The following PCDHA11 variants were observed in gnomAD, a reference collection of about 807,000 sequenced individuals.
The protein encoded by PCDHA11 is protocadherin alpha 11, also known as protocadherin alpha-11.
PCDHA11 carries 61 observed loss-of-function variants against 70.3 expected under a neutral mutation model. The observed-to-expected ratio is 0.87, with a 90% CI of 0.71 to 1.07. PCDHA11 has a LOEUF of 1.07. PCDHA11 is among the 50% of genes least tolerant of loss of function. PCDHA11 has a pLI of 0.00. For synonymous variants in PCDHA11, 633 were observed against 555.1 expected, an observed-to-expected ratio of 1.14 and a Z score of -1.97; for missense variants, 1,324 against 1,237.5, an observed-to-expected ratio of 1.07 and a Z score of -1.05.
In PCDHA11 at chr5:140,871,145, C is replaced by T. The variant is rs1249708738; in HGVS notation, c.2042C>T (p.Thr681Ile). 2 of 1,613,300 alleles carry T rather than the reference C, an allele frequency of 1.2e-6. No individual in the cohort carries two copies. Among genetic ancestry groups the T allele is most frequent in the East Asian group, 2.2e-5 (1 of 44,888 alleles). Residue 681 changes from threonine to isoleucine, a missense_variant, in exon 1 of 4, where the codon ACT becomes ATT. Physicochemically the swap from Thr to Ile is moderately conservative, Grantham distance 89. Transcript: ENST00000398640. Reference sequence around the variant, plus strand: ...CAGGCGCCAAAGGCCTCTTCCCGGACTTTGGCGGGCGCCGCGAGCCCAGAG... The same window carrying T: ...CAGGCGCCAAAGGCCTCTTCCCGGATTTTGGCGGGCGCCGCGAGCCCAGAG... ...SGQAPKASSR[T>I]LAGAASPEAA...
At chr5:140,999,551 G>C (rs1189671768) in intron 3 of PCDHA11, among the ~76,000 whole-genome samples, 3 of 152,088 alleles carry the variant, frequency 2.0e-5, no homozygotes, top group East Asian at 1.9e-4. Context: ...CAATGAAGAG[G>C]GGGTATTTTG....
At chr5:140,993,434 AT>A (rs1243337816) in intron 3 of PCDHA11, among the ~76,000 whole-genome samples, 2 of 150,146 alleles carry the variant, frequency 1.3e-5, no homozygotes, top group Non-Finnish European at 3.0e-5. Flanking sequence ...TAAAATCCTT[AT>A]TCATTCCTGT....
In PCDHA11 at chr5:140,883,730, G is replaced by A. The variant is rs140457638; in HGVS notation, c.2391+12236G>A. On this transcript the variant is annotated intron_variant, in intron 1 of 3. Transcript: ENST00000398640. ...TCAGGACGCGGACGCACAGGAGAAC[G>A]CGCTGGTCTCCTACTCGCTGGTGGA... The A allele has an allele frequency of 3.7e-6, 6 of 1,613,412 alleles. No individual in the cohort carries two copies. In the African/African-American group the frequency reaches 6.7e-5, roughly 18 times the overall value.
chr5:140,967,009 T>G, intron 1 of PCDHA11: 1 of 1,606,176 alleles, frequency 6.2e-7, no homozygotes, highest in Non-Finnish European at 8.5e-7. Flanking sequence ...GCATCAACCA[T>G]CTGGGTGCGC....
chr5:140,876,623 A>G (rs2056465121), intron 1 of PCDHA11: 1 of 1,614,086 alleles, frequency 6.2e-7, no homozygotes, highest in East Asian at 2.2e-5. Context: ...GCCAATGGAC[A>G]GGTCATCTGC....
intron 1 of PCDHA11, among the ~76,000 whole-genome samples, chr5:140,925,206 G>A (rs576558414): frequency 1.3e-5 from 2 of 152,234 alleles, no homozygotes; most frequent in South Asian, 2.1e-4. Context: ...AATAATTATC[G>A]ATACTTTTAG....
At chr5:140,999,004 A>T (rs2097842745) in intron 3 of PCDHA11, among the ~76,000 whole-genome samples, 1 of 152,258 alleles carries the variant, frequency 6.6e-6, no homozygotes, top group South Asian at 2.1e-4. Flanking sequence ...GCTGGAGCTG[A>T]GATTTGAACC....
intron 3 of PCDHA11, among the ~76,000 whole-genome samples, chr5:141,002,843 A>G (rs2098098678): frequency 6.6e-6 from 1 of 152,224 alleles, no homozygotes; most frequent in African/African-American, 2.4e-5. Context: ...AGGACTATGC[A>G]CTAGTGAGAG....
intron 1 of PCDHA11, among the ~76,000 whole-genome samples, chr5:140,960,218 A>G (rs2095532618): frequency 6.6e-6 from 1 of 152,206 alleles, no homozygotes; most frequent in Non-Finnish European, 1.5e-5. Flanking sequence ...CAGGATCTCA[A>G]GAAACAGAGC....
intron 1 of PCDHA11, among the ~76,000 whole-genome samples, chr5:140,948,051 T>A (rs1554218425): frequency 2.0e-5 from 3 of 151,622 alleles, no homozygotes; most frequent in African/African-American, 7.2e-5. Context: ...CATGATTCAT[T>A]GTTGAATTTC....
chr5:140,905,248 C>A (rs143714633), intron 1 of PCDHA11, among the ~76,000 whole-genome samples: 43 of 152,208 alleles, frequency 2.8e-4, no homozygotes, highest in African/African-American at 8.7e-4. Context: ...TTCATTCTTC[C>A]ACATGAGGCT....
chr5:140,993,454 T>G (rs1343043993), intron 3 of PCDHA11, among the ~76,000 whole-genome samples: 1 of 133,974 alleles, frequency 7.5e-6, no homozygotes, highest in Non-Finnish European at 1.6e-5. Flanking sequence ...GTTCTCCTTC[T>G]TTCTTTCTCA....
intron 1 of PCDHA11, among the ~76,000 whole-genome samples, chr5:140,932,398 T>C (rs1163806647): frequency 6.6e-6 from 1 of 151,960 alleles, no homozygotes; most frequent in Non-Finnish European, 1.5e-5. Flanking sequence ...AGTTTCAACA[T>C]ACCAATGTTA....
chr5:140,984,969 G>A (rs1045140349), intron 3 of PCDHA11, among the ~76,000 whole-genome samples: 8 of 151,670 alleles, frequency 5.3e-5, no homozygotes, highest in South Asian at 2.1e-4. Context: ...ACAGAGTCTC[G>A]CTCTGTCCCC....
At chr5:140,963,319 G>T (rs1554226565) in intron 1 of PCDHA11, among the ~76,000 whole-genome samples, 1 of 152,174 alleles carries the variant, frequency 6.6e-6, no homozygotes, top group East Asian at 1.9e-4. Flanking sequence ...GTTTGTATTA[G>T]AATTACACAG....
At chr5:140,976,515 C>T (rs1285704969) in intron 1 of PCDHA11, among the ~76,000 whole-genome samples, 1 of 152,016 alleles carries the variant, frequency 6.6e-6, no homozygotes, top group Non-Finnish European at 1.5e-5. Flanking sequence ...CGCGCCACTG[C>T]ACACCAGCCT....
intron 3 of PCDHA11, among the ~76,000 whole-genome samples, chr5:140,983,660 A>G (rs1460631508): frequency 6.6e-6 from 1 of 152,244 alleles, no homozygotes; most frequent in African/African-American, 2.4e-5. Context: ...TAAGTGGCAG[A>G]GGGTAGGATT....
rs17844361 is a variant in PCDHA11, at chr5:140,927,747, C to T, written c.2392-51202C>T. ...AAGCAGAGCTGCGACACCGCTTTCA[C>T]GTGCACCCTAAAAGTGGGGAGGTGC... On this transcript the variant is annotated intron_variant, in intron 1 of 3. Coordinates refer to ENST00000398640, the MANE Select transcript of PCDHA11 (RefSeq NM_018902.5). 465 of 1,614,224 alleles carry T rather than the reference C, an allele frequency of 2.9e-4. No homozygotes were observed. In the East Asian group the frequency reaches 8.6e-3, roughly 30 times the overall value.
intron 1 of PCDHA11, chr5:140,882,543 G>A: frequency 6.2e-7 from 1 of 1,614,236 alleles, no homozygotes; most frequent in Non-Finnish European, 8.5e-7. Context: ...CGGATCGACC[G>A]CGAGGAGCTG....
Sources: gnomAD v4.1 joint callset for allele counts (sites outside exome capture counted in the v4.1 genomes callset) on GRCh38, gnomAD v4.1.1 for gene constraint, MANE v1.5 for transcripts, NCBI Gene and HGNC (gene_info 2026-07-23, HGNC 2026-07-21) for gene names.